The following NKAIN4 variants were observed in gnomAD, a reference collection of about 807,000 sequenced individuals.
NKAIN4 encodes the protein sodium/potassium transporting ATPase interacting 4.
In NKAIN4, 28 loss-of-function variants were observed where a neutral mutation model predicts 28.8. The observed-to-expected ratio is 0.97, with a 90% CI of 0.72 to 1.33. NKAIN4 has a LOEUF of 1.33. Ranked by LOEUF, NKAIN4 falls within the 40% of genes most tolerant of loss-of-function variation. The pLI, the probability that NKAIN4 is intolerant of heterozygous loss-of-function variation, is 0.00. For synonymous variants in NKAIN4, 122 were observed against 115.6 expected (o/e 1.06, Z -0.36); for missense variants, 289 against 277.2 (o/e 1.04, Z -0.30).
intron 3 of NKAIN4, 38 bp from the exon 4 acceptor site, chr20:63,247,813 A>C: frequency 7.0e-7 from 1 of 1,422,090 alleles, no homozygotes; most frequent in Non-Finnish European, 9.2e-7. Flanking sequence ...GGTTAGCACC[A>C]GGAGGTGGGC....
At chr20:63,247,397 C>A in intron 4 of NKAIN4, 181 bp downstream of exon 4, 1 of 1,531,774 alleles carries the variant, frequency 6.5e-7, no homozygotes, top group Non-Finnish European at 8.7e-7. Flanking sequence ...CACTGAGGTG[C>A]CAGCCACATG....
Position 63,254,447 on chromosome 20 carries a change from C to A in NKAIN4, c.4G>T (p.Gly2Cys). Residue 2 changes from glycine to cysteine, a missense_variant, in exon 1 of 7, where the codon GGC (glycine) becomes TGC (cysteine). Physicochemically the swap from Gly to Cys is radical, Grantham distance 159. Transcript: ENST00000370316. M[G>C]SCSGRCALVV... ...AGCGCGCAGCGGCCGGAGCAGGAGCCCATGGTGCCCGCCTATACAGGAGGC... is the reference window on the plus strand; with the variant it reads ...AGCGCGCAGCGGCCGGAGCAGGAGCACATGGTGCCCGCCTATACAGGAGGC... 7.2e-7 allele frequency: 1 copy of A among 1,395,464 alleles called. No homozygotes were observed. Among genetic ancestry groups the A allele is most frequent in the South Asian group, 1.6e-5 (1 of 64,226 alleles). The allele number at this position is 1,395,464 out of a possible 1,614,324, so 86.4% of individuals were successfully genotyped here. A position where few individuals can be genotyped will look rare whatever the true frequency, so the allele number is the denominator to read the frequency against.
Position 63,245,610 on chromosome 20 carries a change from C to T in NKAIN4, c.472-1526G>A, listed in dbSNP as rs775893681. On this transcript the variant is annotated intron_variant, in intron 4 of 6. Transcript: ENST00000370316. The surrounding 1 kb of genome is among the most constrained non-coding windows in gnomAD (Gnocchi z 4.7). ...GGGATCTGCAGGCCCCGCACCCCAA[C>T]CCCCAGAGCCTGGCCTTGTCAGACG... Among the ~76,000 whole-genome samples, 4 of 152,134 alleles carry T rather than the reference C, an allele frequency of 2.6e-5. No homozygotes were observed. Among genetic ancestry groups the T allele is most frequent in the Non-Finnish European group, 5.9e-5 (4 of 68,012 alleles).
In NKAIN4 at chr20:63,252,989, A is replaced by G. The variant is rs999686746; in HGVS notation, c.54+1408T>C. Among the ~76,000 whole-genome samples, 1 of 151,992 alleles carries G rather than the reference A, an allele frequency of 6.6e-6. No individual in the cohort carries two copies. The highest frequency in any genetic ancestry group is 2.4e-5 in the African/African-American group (1 of 41,374). ...CACCACCTTCAACAGATGGAAACCA[A>G]TGTCACTAGTGTCCCCCAAAGCAGC... On this transcript the variant is annotated intron_variant, in intron 1 of 6. Coordinates refer to ENST00000370316, the MANE Select transcript of NKAIN4 (RefSeq NM_152864.4). The surrounding 1 kb of genome is among the most constrained non-coding windows in gnomAD (Gnocchi z 4.6).
intron 1 of NKAIN4, 23 bp downstream of exon 1, chr20:63,254,374 C>T (rs1051113612): frequency 1.4e-6 from 2 of 1,443,766 alleles, no homozygotes; most frequent in East Asian, 3.1e-5. Context: ...CTCCAGGAGG[C>T]TCGCGGAGGG....
At chr20:63,247,920 C>T (rs2123100235) in intron 3 of NKAIN4, 145 bp from the exon 4 acceptor site, 1 of 1,207,248 alleles carries the variant, frequency 8.3e-7, no homozygotes, top group African/African-American at 1.6e-5. Context: ...CACCCCGCCC[C>T]CAGGGCTCCA....
upstream of NKAIN4, chr20:63,254,580 C>G (rs947290365): frequency 4.6e-6 from 3 of 652,320 alleles, no homozygotes; most frequent in Non-Finnish European, 6.5e-6. Flanking sequence ...TCCCCGCAAC[C>G]CCCGGCCCAG....
intron 5 of NKAIN4, among the ~76,000 whole-genome samples, chr20:63,242,986 G>A (rs1233946552): frequency 1.6e-4 from 24 of 152,194 alleles, no homozygotes. Context: ...CCTCCAGCCT[G>A]TGCAGGGGCT....
chr20:63,248,227 T>C (rs929175504), intron 3 of NKAIN4: 2 of 171,862 alleles, frequency 1.2e-5, no homozygotes, highest in Middle Eastern at 2.6e-3. Flanking sequence ...AGAGAGCCCC[T>C]GGGGGAGACC....
intron 4 of NKAIN4, among the ~76,000 whole-genome samples, chr20:63,244,773 G>C (rs1259860536): frequency 1.3e-5 from 2 of 152,226 alleles, no homozygotes; most frequent in East Asian, 1.9e-4. Context: ...GGCAAAGGGG[G>C]GGCAGTGCTG....
At position 63,243,872 on chromosome 20, in the gene NKAIN4, G is replaced by C. The variant is rs546784887; in HGVS notation, c.532+152C>G. 484 of 636,138 alleles carry C rather than the reference G, an allele frequency of 7.6e-4. 4 individuals are homozygous for C. The South Asian group carries it at 9.4e-3, about 12-fold the overall frequency. The allele number at this position is 636,138 out of a possible 1,614,324, so 39.4% of individuals were successfully genotyped here. On this transcript the variant is annotated intron_variant, in intron 5 of 6. Transcript: ENST00000370316. ...CTTCCCTGGTGTGTGGCGAGTCCTC[G>C]CTCAGGCCTACGGCCGTGAGCAAGG...
At chr20:63,248,741 C>T (rs1224103852) in intron 3 of NKAIN4, 74 bp downstream of exon 3, 1 of 953,934 alleles carries the variant, frequency 1.0e-6, no homozygotes, top group Non-Finnish European at 1.7e-6. Flanking sequence ...GAAAAGCAAA[C>T]ACAGGGGGTG....
At chr20:63,242,488 G>T in intron 6 of NKAIN4, 51 bp downstream of exon 6, 1 of 1,330,010 alleles carries the variant, frequency 7.5e-7, no homozygotes, top group Non-Finnish European at 1.1e-6. Flanking sequence ...TCGCTGTGAG[G>T]GCCAGATTGG....
At chr20:63,242,980 C>T (rs1009938352) in intron 5 of NKAIN4, among the ~76,000 whole-genome samples, 10 of 152,180 alleles carry the variant, frequency 6.6e-5, no homozygotes, top group Admixed American at 1.3e-4. Context: ...CCGGGTCCTC[C>T]AGCCTGTGCA....
At chr20:63,246,996 C>A in intron 4 of NKAIN4, 6 of 999,286 alleles carry the variant, frequency 6.0e-6, no homozygotes, top group Non-Finnish European at 7.2e-6. Flanking sequence ...ACGGCAGAGT[C>A]CCGTTCCCGC....
At chr20:63,247,391 G>A (rs139812644) in intron 4 of NKAIN4, 187 bp downstream of exon 4, 26,862 of 1,530,546 alleles carry the variant, frequency 0.018, 307 homozygotes, top group Middle Eastern at 0.021. Context: ...AGGAGGCACT[G>A]AGGTGCCAGC....
intron 1 of NKAIN4, 34 bp from the exon 2 acceptor site, chr20:63,250,106 C>G: frequency 2.6e-6 from 4 of 1,533,180 alleles, no homozygotes; most frequent in Non-Finnish European, 3.5e-6. Context: ...AAGGGTGGAC[C>G]CGAGGGAGGC....
intron 4 of NKAIN4, chr20:63,246,953 T>G (rs1242528665): frequency 1.0e-6 from 1 of 986,938 alleles, no homozygotes; most frequent in Non-Finnish European, 1.2e-6. Context: ...TCGTAGCCCC[T>G]GTTCTCTACC....
At chr20:63,242,713 C>T in intron 5 of NKAIN4, 90 bp from the exon 6 acceptor site, 2 of 975,226 alleles carry the variant, frequency 2.1e-6, no homozygotes, top group Non-Finnish European at 3.2e-6. Flanking sequence ...CAAAGAAGCC[C>T]AAGGGGTCCC....
Sources: allele counts gnomAD v4.1 joint callset (sites outside exome capture counted in the v4.1 genomes callset), GRCh38; gene constraint gnomAD v4.1.1; non-coding constraint Gnocchi (gnomAD v3.1); transcripts MANE v1.5; gene names NCBI Gene and HGNC (gene_info 2026-07-23, HGNC 2026-07-21).